The following SLC24A3 variants were observed in gnomAD, a reference collection of about 807,000 sequenced individuals.
SLC24A3 encodes the protein sodium/potassium/calcium exchanger 3.
SLC24A3 carries 28 observed loss-of-function variants against 75.8 expected under a neutral mutation model. That is an observed-to-expected ratio of 0.37 (90% CI 0.27 to 0.51). SLC24A3 has a LOEUF of 0.51. SLC24A3 is among the 20% of genes least tolerant of loss of function. The probability of loss-of-function intolerance (pLI) is 0.94; values close to 1 mark genes in which losing one functional copy is unlikely to be tolerated. For missense variants in SLC24A3, 663 were observed against 847.8 expected, an observed-to-expected ratio of 0.78 and a Z score of 2.71; for synonymous variants, 372 against 334.1, an observed-to-expected ratio of 1.11 and a Z score of -1.24.
At chr20:19,363,907 A>G (rs1402458645) in intron 2 of SLC24A3, among the ~76,000 whole-genome samples, 1 of 152,144 alleles carries the variant, frequency 6.6e-6, no homozygotes, top group Non-Finnish European at 1.5e-5. Context: ...CTCTGAAGCA[A>G]TGAGGCTGAG....
chr20:19,216,567 C>T, intron 1 of SLC24A3, among the ~76,000 whole-genome samples: 1 of 151,900 alleles, frequency 6.6e-6, no homozygotes. Flanking sequence ...CATCATTGTA[C>T]CACTGTACCC....
intron 6 of SLC24A3, among the ~76,000 whole-genome samples, chr20:19,618,476 G>A (rs979294315): frequency 5.3e-5 from 8 of 152,140 alleles, no homozygotes; most frequent in African/African-American, 1.9e-4. Flanking sequence ...TATGGGATTA[G>A]GACCCACCCC....
chr20:19,477,179 C>T (rs1177082788), intron 2 of SLC24A3, among the ~76,000 whole-genome samples: 1 of 152,180 alleles, frequency 6.6e-6, no homozygotes, highest in South Asian at 2.1e-4. Flanking sequence ...AGGTGGAACT[C>T]CTAGGACCTG....
chr20:19,251,823 G>A (rs1420233031), intron 1 of SLC24A3, among the ~76,000 whole-genome samples: 1 of 152,204 alleles, frequency 6.6e-6, no homozygotes, highest in Non-Finnish European at 1.5e-5. Context: ...TCAGGACACT[G>A]CACCAGGGCA....
chr20:19,260,628 T>C (rs1463407363), intron 1 of SLC24A3, among the ~76,000 whole-genome samples: 1 of 152,242 alleles, frequency 6.6e-6, no homozygotes, highest in Non-Finnish European at 1.5e-5. Flanking sequence ...ATGTGCATCC[T>C]CTGCATGAAT....
rs867263068 is a variant in SLC24A3 at position 19,409,855 on chromosome 20, A to G, written c.272-105633A>G. 7.6e-3 allele frequency among the ~76,000 whole-genome samples: 1,154 copies of G among 151,578 alleles called. 10 individuals are homozygous for G. The highest frequency in any genetic ancestry group is 0.027 in the African/African-American group (1,096 of 41,316). On this transcript the variant is annotated intron_variant, in intron 2 of 16. Transcript: ENST00000328041. ...AATATGTGTGTGTGTGTGTATATAT[A>G]TATATATATATGTATTCAAAAAATG...
intron 3 of SLC24A3, among the ~76,000 whole-genome samples, chr20:19,554,046 A>G (rs2030745168): frequency 6.6e-6 from 1 of 152,224 alleles, no homozygotes; most frequent in Admixed American, 6.5e-5. Flanking sequence ...ATGCAGTCTA[A>G]GAAGAAATAA....
intron 9 of SLC24A3, among the ~76,000 whole-genome samples, chr20:19,678,747 G>A (rs1028516136): frequency 2.0e-5 from 3 of 149,958 alleles, no homozygotes; most frequent in Non-Finnish European, 4.5e-5. Flanking sequence ...TTTCTCAGAC[G>A]GGGCGGCTGC....
intron 6 of SLC24A3, among the ~76,000 whole-genome samples, chr20:19,637,795 G>T (rs775943066): frequency 7.2e-5 from 11 of 152,100 alleles, no homozygotes; most frequent in Non-Finnish European, 1.5e-4. Flanking sequence ...GAACATTTTT[G>T]TTCTACCTAA....
intron 15 of SLC24A3, among the ~76,000 whole-genome samples, chr20:19,704,147 A>G (rs1161165329): frequency 7.0e-6 from 1 of 142,858 alleles, no homozygotes; most frequent in African/African-American, 2.7e-5. Flanking sequence ...TATTTGTTGG[A>G]TGGATGGATG....
At chr20:19,567,759 T>C (rs1427372449) in intron 3 of SLC24A3, among the ~76,000 whole-genome samples, 2 of 152,048 alleles carry the variant, frequency 1.3e-5, no homozygotes, top group Non-Finnish European at 2.9e-5. Context: ...CACACACACA[T>C]TAGAGTGGCT....
At chr20:19,488,581 T>C (rs753465342) in intron 2 of SLC24A3, among the ~76,000 whole-genome samples, 6 of 152,134 alleles carry the variant, frequency 3.9e-5, no homozygotes, top group Non-Finnish European at 7.4e-5. Context: ...CACCAGGAAA[T>C]GCTTCAGTTG....
intron 2 of SLC24A3, among the ~76,000 whole-genome samples, chr20:19,324,044 G>A (rs1049485188): frequency 2.6e-5 from 4 of 152,282 alleles, no homozygotes; most frequent in African/African-American, 9.6e-5. Context: ...CACAGTGCCC[G>A]GCGCAGGATG....
chr20:19,540,422 A>G (rs1022958831), intron 3 of SLC24A3, among the ~76,000 whole-genome samples: 3 of 152,206 alleles, frequency 2.0e-5, no homozygotes, highest in Admixed American at 1.3e-4. Flanking sequence ...CCTCCACACA[A>G]GGGCTCTGCC....
intron 2 of SLC24A3, among the ~76,000 whole-genome samples, chr20:19,446,659 A>G (rs1987391672): frequency 6.6e-6 from 1 of 152,214 alleles, no homozygotes; most frequent in Non-Finnish European, 1.5e-5. Context: ...CTACAGGGAA[A>G]ACACCTAGGC....
At chr20:19,701,306 C>T (rs1026063663) in intron 15 of SLC24A3, among the ~76,000 whole-genome samples, 29 of 151,932 alleles carry the variant, frequency 1.9e-4, no homozygotes, top group East Asian at 1.6e-3. Context: ...GGCTGAGACA[C>T]GAGGGCATGA....
intron 1 of SLC24A3, among the ~76,000 whole-genome samples, chr20:19,244,731 T>A (rs1010443216): frequency 6.6e-6 from 1 of 152,212 alleles, no homozygotes. Flanking sequence ...TTGTGACTGC[T>A]TTGTGATGTC....
At chr20:19,348,544 A>G (rs986115552) in intron 2 of SLC24A3, among the ~76,000 whole-genome samples, 9 of 152,044 alleles carry the variant, frequency 5.9e-5, no homozygotes, top group Non-Finnish European at 8.8e-5. Context: ...CCTCCTTGGT[A>G]TTTGTGCTGC....
chr20:19,339,118 C>G (rs1255253298), intron 2 of SLC24A3, among the ~76,000 whole-genome samples: 1 of 30,008 alleles, frequency 3.3e-5, no homozygotes, highest in Non-Finnish European at 7.3e-5. Flanking sequence ...CATAGCCTGA[C>G]TCTGTTTGTA....
Sources: gnomAD v4.1 joint callset for allele counts (sites outside exome capture counted in the v4.1 genomes callset) on GRCh38, gnomAD v4.1.1 for gene constraint, MANE v1.5 for transcripts, NCBI Gene and HGNC (gene_info 2026-07-23, HGNC 2026-07-21) for gene names.